NSRP1: variants seen among roughly 807,000 people sequenced by gnomAD.
The protein encoded by NSRP1 is nuclear speckle splicing regulatory protein 1, also known as coiled-coil domain containing 55.
NSRP1 carries 24 observed loss-of-function variants against 54.7 expected under a neutral mutation model. The observed-to-expected ratio is 0.44, with a 90% confidence interval of 0.32 to 0.62. The LOEUF is 0.62. Among genes scored for constraint, NSRP1 ranks in the 20% least tolerant of loss-of-function variants. NSRP1 has a pLI of 0.06. For synonymous variants in NSRP1, 210 were observed against 213.8 expected (o/e 0.98, Z 0.15); for missense variants, 596 against 651.2 (o/e 0.92, Z 0.92).
chr17:30,118,118 A>C lies in NSRP1; in HGVS notation c.59A>C (p.His20Pro). ...TTGCCAAAGAAAACACAGCAGTTGC[A>C]CCCTGTTTTGCAAAAACCATCAGTG... ...LILPKKTQQL[H>P]PVLQKPSVFG... The change falls in exon 2 of 7, where the codon CAC becomes CCC. Residue 20 changes from histidine to proline, a missense_variant. His to Pro is a moderately conservative substitution (Grantham distance 77). Coordinates refer to ENST00000247026, the MANE Select transcript of NSRP1 (RefSeq NM_032141.4). 1 of 1,613,978 alleles carries C rather than the reference A, an allele frequency of 6.2e-7. No homozygotes were observed. The highest frequency in any genetic ancestry group is 8.5e-7 in the Non-Finnish European group (1 of 1,179,906).
At chr17:30,132,551 C>T (rs2071710567) in intron 2 of NSRP1, among the ~76,000 whole-genome samples, 1 of 152,154 alleles carries the variant, frequency 6.6e-6, no homozygotes, top group South Asian at 2.1e-4. Context: ...GAGACTGTCT[C>T]AAAAAGAAAA....
chr17:30,174,893 AGT>A lies in NSRP1; in HGVS notation c.171+2296_171+2297del, dbSNP rs1392441052. 2.0e-5 allele frequency among the ~76,000 whole-genome samples: 3 copies of A among 152,328 alleles called. No homozygotes were observed. The East Asian group carries it at 5.8e-4, about 29-fold the overall frequency. On this transcript the variant is annotated intron_variant, in intron 3 of 6. Coordinates refer to ENST00000247026, the MANE Select transcript of NSRP1 (RefSeq NM_032141.4). ...ACTAAAGCTTCATTAAGAGTTTTTA[AGT>A]ATTGAAGATTTTTGCATCATAAGTG...
chr17:30,160,932 G>A (rs1045795002), intron 2 of NSRP1, among the ~76,000 whole-genome samples: 2 of 152,200 alleles, frequency 1.3e-5, no homozygotes, highest in South Asian at 4.1e-4. Flanking sequence ...AAGGGGCTTT[G>A]TTAGGATTAG....
intron 5 of NSRP1, among the ~76,000 whole-genome samples, 189 bp downstream of exon 5, chr17:30,179,486 A>G (rs1905232228): frequency 6.6e-6 from 1 of 152,188 alleles, no homozygotes; most frequent in Non-Finnish European, 1.5e-5. Flanking sequence ...TTAACTAAAA[A>G]CACAGTTGAA....
chr17:30,117,756 C>T (rs1341605313), intron 1 of NSRP1, among the ~76,000 whole-genome samples: 1 of 146,784 alleles, frequency 6.8e-6, no homozygotes, highest in Non-Finnish European at 1.5e-5. Flanking sequence ...TTCCACTACA[C>T]ATGTTTTTTT....
At chr17:30,135,153 C>G (rs892754786) in intron 2 of NSRP1, among the ~76,000 whole-genome samples, 1 of 152,102 alleles carries the variant, frequency 6.6e-6, no homozygotes. Flanking sequence ...GGGTCTTACT[C>G]TCTCTCCCAG....
intron 2 of NSRP1, chr17:30,128,102 G>T (rs1371173915): frequency 2.8e-6 from 1 of 353,498 alleles, no homozygotes; most frequent in African/African-American, 2.1e-5. Flanking sequence ...GCCTCCCAAA[G>T]TGTTGGGCTT....
Position 30,179,253 on chromosome 17 carries a change from G to T in NSRP1, c.464G>T (p.Arg155Ile), listed in dbSNP as rs1468980485. Residue 155 changes from arginine (R) to isoleucine (I), a missense_variant, in exon 5 of 7, where the codon AGA (arginine) becomes ATA (isoleucine). Arg to Ile is a moderately conservative substitution (Grantham distance 97, BLOSUM62 -3). Coordinates refer to ENST00000247026, the MANE Select transcript of NSRP1 (RefSeq NM_032141.4). ...GCATATAAGAAAAAACTGCAAGAGA[G>T]AGCTGAAGAAGAAGAAAGAGAAAAG... The part of the protein sequence containing the change: ...TSAYKKKLQE[R>I]AEEEEREKRA... 1 of 1,600,550 alleles carries T rather than the reference G, an allele frequency of 6.2e-7. No individual in the cohort carries two copies. The highest frequency in any genetic ancestry group is 8.5e-7 in the Non-Finnish European group (1 of 1,173,198).
chr17:30,120,765 C>G (rs966558420), intron 2 of NSRP1, among the ~76,000 whole-genome samples: 2 of 152,188 alleles, frequency 1.3e-5, no homozygotes, highest in African/African-American at 2.4e-5. Flanking sequence ...GTAATTTGTT[C>G]AAGGCCATGT....
intron 3 of NSRP1, among the ~76,000 whole-genome samples, chr17:30,174,158 C>T (rs1054024280): frequency 1.3e-5 from 2 of 152,024 alleles, no homozygotes; most frequent in African/African-American, 4.8e-5. Context: ...TTTGTGCTGC[C>T]TTTTTTTCTT....
At chr17:30,124,518 GA>G (rs1230135579) in intron 2 of NSRP1, among the ~76,000 whole-genome samples, 3 of 152,198 alleles carry the variant, frequency 2.0e-5, no homozygotes, top group Non-Finnish European at 4.4e-5. Context: ...TTAATACAGA[GA>G]ATTGTTAACA....
chr17:30,122,350 TTCATATA>T (rs1467754003), intron 2 of NSRP1: 148 of 78,236 alleles, frequency 1.9e-3, no homozygotes, highest in African/African-American at 7.9e-3. Flanking sequence ...TAACTCTGGT[TTCATATA>T]TATATATATA....
Position 30,118,110 on chromosome 17 carries a change from G to A in NSRP1, c.51G>A (p.Gln17=). Residue 17 remains glutamine, a synonymous_variant, in exon 2 of 7, where the codon CAG becomes CAA. Transcript: ENST00000247026. ...QYGLILPKKT[Q]QLHPVLQKPS... ...GGCTTATTTTGCCAAAGAAAACACA[G>A]CAGTTGCACCCTGTTTTGCAAAAAC... is the stretch of plus-strand genomic sequence containing the variant. The A allele has an allele frequency of 4.3e-6, 7 of 1,613,834 alleles. No homozygotes were observed. The highest frequency in any genetic ancestry group is 5.9e-6 in the Non-Finnish European group (7 of 1,179,850).
intron 2 of NSRP1, among the ~76,000 whole-genome samples, chr17:30,130,372 T>A (rs1239175745): frequency 6.6e-6 from 1 of 152,176 alleles, no homozygotes; most frequent in African/African-American, 2.4e-5. Context: ...GTACTGGGAT[T>A]AGAAGTGTGA....
In NSRP1 at chr17:30,185,737, G is replaced by T. The variant is rs766273010; in HGVS notation, c.*63G>T. 1.3e-6 allele frequency: 2 copies of T among 1,483,088 alleles called. No individual in the cohort carries two copies. Among genetic ancestry groups the T allele is most frequent in the African/African-American group, 1.4e-5 (1 of 70,676 alleles). 91.9% of individuals were successfully genotyped at this position (1,483,088 alleles called of 1,614,324 possible). A position where few individuals can be genotyped will look rare whatever the true frequency, so the allele number is the denominator to read the frequency against. ...AACTGTAATTCCTGGAACCTGCTGC[G>T]TAAAACCATAAAGGAGTGTGTTACC... On this transcript the variant is annotated 3_prime_UTR_variant, in exon 7 of 7. Transcript: ENST00000247026.
At chr17:30,145,614 C>G (rs1027579936) in intron 2 of NSRP1, among the ~76,000 whole-genome samples, 1 of 152,092 alleles carries the variant, frequency 6.6e-6, no homozygotes, top group Admixed American at 6.6e-5. Flanking sequence ...ACTGATAAAT[C>G]ACTTTCTGAA....
intron 2 of NSRP1, among the ~76,000 whole-genome samples, chr17:30,136,972 T>C (rs1487576496): frequency 6.6e-6 from 1 of 152,190 alleles, no homozygotes; most frequent in Admixed American, 6.5e-5. Flanking sequence ...TAATAATAGG[T>C]TAAAATTCTC....
At chr17:30,165,557 G>A (rs904270719) in intron 2 of NSRP1, among the ~76,000 whole-genome samples, 1 of 152,212 alleles carries the variant, frequency 6.6e-6, no homozygotes, top group Admixed American at 6.5e-5. Flanking sequence ...TTCATTTGGT[G>A]TGTCCTTGTA....
chr17:30,185,222 G>A lies in NSRP1; in HGVS notation c.1225G>A (p.Glu409Lys). Residue 409 changes from glutamate to lysine, a missense_variant, in exon 7 of 7, where the codon GAG (glutamate) becomes AAG (lysine). Physicochemically the swap from Glu to Lys is moderately conservative, Grantham distance 56. Coordinates refer to ENST00000247026, the MANE Select transcript of NSRP1 (RefSeq NM_032141.4). ...NDQNRPSEKG[E>K]KEEKSKAKEE... ...TCAGAACCGACCCAGTGAGAAAGGA[G>A]AGAAGGAAGAGAAAAGCAAAGCAAA... 6.3e-7 allele frequency: 1 copy of A among 1,576,452 alleles called. No homozygotes were observed. The highest frequency in any genetic ancestry group is 1.2e-5 in the South Asian group (1 of 86,782).
Sources: allele counts gnomAD v4.1 joint callset (sites outside exome capture counted in the v4.1 genomes callset), GRCh38; gene constraint gnomAD v4.1.1; transcripts MANE v1.5; gene names NCBI Gene and HGNC (gene_info 2026-07-23, HGNC 2026-07-21).